The following MAT1A variants were observed in gnomAD, a reference collection of about 807,000 sequenced individuals.
MAT1A encodes the protein S-adenosylmethionine synthase isoform type-1.
In MAT1A, 19 loss-of-function variants were observed where a neutral mutation model predicts 44.0. That is an observed-to-expected ratio of 0.43 (90% CI 0.30 to 0.63). MAT1A has a LOEUF of 0.63. Among genes scored for constraint, MAT1A ranks in the 30% least tolerant of loss-of-function variants. MAT1A has a pLI of 0.12. For missense variants in MAT1A, 397 were observed against 531.0 expected (o/e 0.75, Z 2.48); for synonymous variants, 205 against 205.6 (o/e 1.00, Z 0.03).
chr10:80,282,499 A>G (rs1841580253), intron 3 of MAT1A, among the ~76,000 whole-genome samples: 1 of 152,262 alleles, frequency 6.6e-6, no homozygotes, highest in South Asian at 2.1e-4. Flanking sequence ...CTAATGCAGA[A>G]AAAGTTTTGC....
intron 3 of MAT1A, 57 bp downstream of exon 3, chr10:80,283,859 T>C (rs989101545): frequency 6.2e-7 from 1 of 1,612,288 alleles, no homozygotes; most frequent in African/African-American, 1.3e-5. Context: ...GACTCAGCAC[T>C]GGGGTCTCTA....
At chr10:80,280,078 T>A in intron 5 of MAT1A, 95 bp downstream of exon 5, 1 of 1,449,576 alleles carries the variant, frequency 6.9e-7, no homozygotes, top group Non-Finnish European at 9.6e-7. Context: ...AGATTGAATA[T>A]TTCGATCTTA....
At chr10:80,285,160 T>C (rs950962749) in intron 2 of MAT1A, among the ~76,000 whole-genome samples, 4 of 152,156 alleles carry the variant, frequency 2.6e-5, no homozygotes, top group Non-Finnish European at 5.9e-5. Context: ...TGTTTCAAGC[T>C]CTTGCATCCC....
chr10:80,280,900 G>A, intron 3 of MAT1A, 108 bp from the exon 4 acceptor site: 1 of 826,570 alleles, frequency 1.2e-6, no homozygotes, highest in South Asian at 1.4e-5. Flanking sequence ...TGTCAGCGTG[G>A]GGGTTCCCTA....
chr10:80,285,528 A>AT lies in MAT1A; in HGVS notation c.152dup (p.Asn51LysfsTer7). On this transcript the variant is annotated frameshift_variant, in exon 2 of 9. Coordinates refer to ENST00000372213, the MANE Select transcript of MAT1A (RefSeq NM_000429.3). LOFTEE classifies it high-confidence loss of function. ...GTTTCTTACCACAGGCCACCTTGGC[A>AT]TTGGGGTCTTGCTTGAGATGGGCAT... 1 of 1,614,100 alleles carries AT rather than the reference A, an allele frequency of 6.2e-7. No homozygotes were observed. The highest frequency in any genetic ancestry group is 8.5e-7 in the Non-Finnish European group (1 of 1,180,002).
At position 80,272,785 on chromosome 10, in the gene MAT1A, TG is replaced by T. The variant is rs5786439; in HGVS notation, c.*995del. ...GGTCAGGGGGCTGGGATTCTAAAGC[TG>T]CTGGTCAGTCCCTAACTCCAGCCTA... On this transcript the variant is annotated 3_prime_UTR_variant, in exon 9 of 9. Transcript: ENST00000372213. 0.099 allele frequency: 15,078 copies of T among 152,310 alleles called. 998 individuals carry two copies. Among genetic ancestry groups the T allele is most frequent in the South Asian group, 0.24 (1,175 of 4,834 alleles). 9.4% of individuals were successfully genotyped at this position (152,310 alleles called of 1,614,324 possible). A position where few individuals can be genotyped will look rare whatever the true frequency, so the allele number is the denominator to read the frequency against.
At position 80,275,158 on chromosome 10, in the gene MAT1A, G is replaced by T. The variant is rs1441703240; in HGVS notation, c.810C>A (p.Thr270=). ...CACCATGAGCCCCCCAGCCGCCATAGGTGTCCACAATAATCTTACGGCCAG... is the reference window on the plus strand; with the variant it reads ...CACCATGAGCCCCCCAGCCGCCATATGTGTCCACAATAATCTTACGGCCAG... ...GVTGRKIIVD[T]YGGWGAHGGG... is the part of the protein sequence containing the mutation. The change falls in exon 7 of 9, where the codon ACC becomes ACA. Residue 270 remains threonine, a synonymous_variant. Coordinates refer to ENST00000372213, the MANE Select transcript of MAT1A (RefSeq NM_000429.3). The T allele has an allele frequency of 6.2e-7, 1 of 1,613,620 alleles. No individual in the cohort carries two copies. Among genetic ancestry groups the T allele is most frequent in the Non-Finnish European group, 8.5e-7 (1 of 1,179,866 alleles).
In MAT1A at chr10:80,271,867, C is replaced by G. The variant is rs1432644015; in HGVS notation, c.*1914G>C. Reference sequence around the variant, plus strand: ...TCATTGTTTTAGCAGGAACTATTAACAAATAAAGGCTTTAGTTTCATACAA... The same window carrying G: ...TCATTGTTTTAGCAGGAACTATTAAGAAATAAAGGCTTTAGTTTCATACAA... On this transcript the variant is annotated 3_prime_UTR_variant, in exon 9 of 9. Coordinates refer to ENST00000372213, the MANE Select transcript of MAT1A (RefSeq NM_000429.3). 6.6e-6 allele frequency: 1 copy of G among 152,146 alleles called. No homozygotes were observed. The highest frequency in any genetic ancestry group is 1.5e-5 in the Non-Finnish European group (1 of 68,016). 9.4% of individuals were successfully genotyped at this position (152,146 alleles called of 1,614,324 possible).
intron 6 of MAT1A, 82 bp from the exon 7 acceptor site, chr10:80,275,281 G>T: frequency 8.1e-7 from 1 of 1,236,758 alleles, no homozygotes; most frequent in Non-Finnish European, 1.2e-6. Context: ...GATGGCAGCT[G>T]AACTGCAACT....
In MAT1A at chr10:80,283,979, C is replaced by A. The variant is rs1324110382; in HGVS notation, c.229G>T (p.Val77Leu). Residue 77 changes from valine to leucine, a missense_variant, in exon 3 of 9, where the codon GTG becomes TTG. Transcript: ENST00000372213. Reference sequence around the variant, plus strand: ...TCCCTCACCACCCGCTGGTAGTCCACCATGGCCATTGAGGTGATCTCACCA... The same window carrying A: ...TCCCTCACCACCCGCTGGTAGTCCAACATGGCCATTGAGGTGATCTCACCA... ...LCGEITSMAM[V>L]DYQRVVRDTI... 6.2e-7 allele frequency: 1 copy of A among 1,614,224 alleles called. No homozygotes were observed. The highest frequency in any genetic ancestry group is 1.7e-5 in the Admixed American group (1 of 60,026).
At chr10:80,280,605 A>C (rs957902914) in intron 4 of MAT1A, 75 bp downstream of exon 4, 2 of 1,284,032 alleles carry the variant, frequency 1.6e-6, no homozygotes, top group Admixed American at 3.4e-5. Flanking sequence ...TCCACCCCTC[A>C]GTGTGATTAA....
At chr10:80,286,677 G>A (rs986129740) in intron 1 of MAT1A, among the ~76,000 whole-genome samples, 2 of 152,120 alleles carry the variant, frequency 1.3e-5, no homozygotes, top group Admixed American at 1.3e-4. Context: ...TCTTGCTTTG[G>A]GGTTATGCAA....
Position 80,289,446 on chromosome 10 carries a change from G to A in MAT1A, c.-23C>T, listed in dbSNP as rs767638556. ...CATCTTCTCACACTTCTCCACTCAC[G>A]CTTCTTTCAGTGAACAATTTTGAGG... On this transcript the variant is annotated 5_prime_UTR_variant, in exon 1 of 9. Transcript: ENST00000372213. 11 of 1,572,482 alleles carry A rather than the reference G, an allele frequency of 7.0e-6. No homozygotes were observed. Among genetic ancestry groups the A allele is most frequent in the African/African-American group, 5.4e-5 (4 of 74,024 alleles).
Position 80,289,455 on chromosome 10 carries a change from A to G in MAT1A, c.-32T>C. 6.5e-7 allele frequency: 1 copy of G among 1,548,438 alleles called. No homozygotes were observed. Among genetic ancestry groups the G allele is most frequent in the Non-Finnish European group, 8.9e-7 (1 of 1,120,366 alleles). ...ACACTTCTCCACTCACGCTTCTTTC[A>G]GTGAACAATTTTGAGGCTGTGACTT... On this transcript the variant is annotated 5_prime_UTR_variant, in exon 1 of 9. Transcript: ENST00000372213.
intron 2 of MAT1A, among the ~76,000 whole-genome samples, chr10:80,284,407 C>A (rs1448536678): frequency 6.6e-6 from 1 of 152,180 alleles, no homozygotes; most frequent in Non-Finnish European, 1.5e-5. Flanking sequence ...TGTGACCCCC[C>A]ATCCCCCACA....
At chr10:80,288,169 T>C (rs1465601587) in intron 1 of MAT1A, among the ~76,000 whole-genome samples, 1 of 152,076 alleles carries the variant, frequency 6.6e-6, no homozygotes, top group Non-Finnish European at 1.5e-5. Flanking sequence ...GCAAGGAAGA[T>C]GGAAAAAGGC....
rs779094715 is a variant in MAT1A at position 80,276,399 on chromosome 10, G to A, written c.745C>T (p.Arg249Trp). ...ACCTGGGGACCTCCGATGACAAACC[G>A]CCCACTGGGCTGCAGGTGGTAGACG... ...DTVYHLQPSG[R>W]FVIGGPQGDA... is the part of the protein sequence containing the mutation. Residue 249 changes from arginine to tryptophan, a missense_variant, in exon 6 of 9, where the codon CGG (arginine) becomes TGG (tryptophan). Coordinates refer to ENST00000372213, the MANE Select transcript of MAT1A (RefSeq NM_000429.3). 15 of 1,614,136 alleles carry A rather than the reference G, an allele frequency of 9.3e-6. No individual in the cohort carries two copies. The South Asian group carries it at 1.6e-4, about 18-fold the overall frequency.
chr10:80,287,832 C>T (rs116700065), intron 1 of MAT1A, among the ~76,000 whole-genome samples: 9,437 of 152,184 alleles, frequency 0.062, 288 homozygotes, highest in Middle Eastern at 0.1. Context: ...ACATAAAAAA[C>T]TCAATTCAAT....
chr10:80,274,531 G>T lies in MAT1A; in HGVS notation c.1074C>A (p.Gly358=), dbSNP rs373567910. ...VVHKNFDLRP[G]VIVRDLDLKK... The stretch of plus-strand genomic sequence containing the variant: ...GCATGGCACTTTACCTGACAATGAC[G>T]CCCGGCCGGAGGTCGAAGTTCTTAT... Residue 358 remains glycine, a synonymous_variant, in exon 8 of 9, where the codon GGC becomes GGA. Transcript: ENST00000372213. 8 of 1,614,008 alleles carry T rather than the reference G, an allele frequency of 5.0e-6. No homozygotes were observed. Among genetic ancestry groups the T allele is most frequent in the Non-Finnish European group, 6.8e-6 (8 of 1,180,036 alleles).
Sources: allele counts gnomAD v4.1 joint callset (sites outside exome capture counted in the v4.1 genomes callset), GRCh38; gene constraint gnomAD v4.1.1; transcripts MANE v1.5; gene names NCBI Gene and HGNC (gene_info 2026-07-23, HGNC 2026-07-21).